MAN1A1: variants seen among roughly 807,000 people sequenced by gnomAD.
MAN1A1 encodes mannosidase alpha class 1A member 1, also known as mannosyl-oligosaccharide 1,2-alpha-mannosidase IA.
In MAN1A1, 29 loss-of-function variants were observed where a neutral mutation model predicts 70.8. That is an observed-to-expected ratio of 0.41 (90% CI 0.31 to 0.56). The LOEUF is 0.56. Among genes scored for constraint, MAN1A1 ranks in the 20% least tolerant of loss-of-function variants. The pLI, the probability that MAN1A1 is intolerant of heterozygous loss-of-function variation, is 0.29. For missense variants in MAN1A1, 747 were observed against 841.3 expected, an observed-to-expected ratio of 0.89 and a Z score of 1.39; for synonymous variants, 349 against 330.1, an observed-to-expected ratio of 1.06 and a Z score of -0.62.
At chr6:119,314,753 G>T (rs1276546427) in intron 2 of MAN1A1, among the ~76,000 whole-genome samples, 1 of 152,098 alleles carries the variant, frequency 6.6e-6, no homozygotes, top group Non-Finnish European at 1.5e-5. Context: ...ATCAGGACTG[G>T]GAGCTGGCTC....
chr6:119,332,481 T>C (rs1773345573), intron 2 of MAN1A1, among the ~76,000 whole-genome samples: 1 of 152,230 alleles, frequency 6.6e-6, no homozygotes, highest in African/African-American at 2.4e-5. Flanking sequence ...TTGCTGTTGT[T>C]ATTCATAAAC....
At chr6:119,261,225 C>T (rs540366979) in intron 5 of MAN1A1, among the ~76,000 whole-genome samples, 39 of 152,138 alleles carry the variant, frequency 2.6e-4, no homozygotes, top group African/African-American at 3.4e-4. Context: ...GTGATCCACC[C>T]GCCTCCACCT....
At chr6:119,349,935 C>G (rs1030821940), upstream of MAN1A1, among the ~76,000 whole-genome samples, 2 of 152,046 alleles carry the variant, frequency 1.3e-5, no homozygotes, top group Non-Finnish European at 2.9e-5. Flanking sequence ...CGGCGGGGCC[C>G]GGCCGGCGGC....
intron 2 of MAN1A1, among the ~76,000 whole-genome samples, chr6:119,346,420 A>C (rs1190451056): frequency 2.0e-5 from 3 of 152,248 alleles, no homozygotes; most frequent in Non-Finnish European, 4.4e-5. Context: ...ACTAAAGCTA[A>C]TTATGCTGGC....
At chr6:119,281,200 C>T (rs751065916) in intron 5 of MAN1A1, among the ~76,000 whole-genome samples, 15 of 152,196 alleles carry the variant, frequency 9.9e-5, no homozygotes, top group Non-Finnish European at 1.9e-4. Context: ...CACTCGTCAC[C>T]CTACTTTGGT....
chr6:119,217,181 A>C (rs1039338826), intron 6 of MAN1A1, among the ~76,000 whole-genome samples: 3 of 152,252 alleles, frequency 2.0e-5, no homozygotes, highest in Non-Finnish European at 4.4e-5. Context: ...AACTTTTAAA[A>C]CTTGGTCAAT....
intron 5 of MAN1A1, among the ~76,000 whole-genome samples, chr6:119,275,429 C>G (rs1776033485): frequency 1.4e-5 from 2 of 145,134 alleles, no homozygotes; most frequent in South Asian, 4.4e-4. Context: ...GCCTCAGCCT[C>G]CCAAGTAGCT....
chr6:119,233,115 T>C (rs1387299393), intron 6 of MAN1A1, among the ~76,000 whole-genome samples: 1 of 152,180 alleles, frequency 6.6e-6, no homozygotes, highest in Non-Finnish European at 1.5e-5. Flanking sequence ...AGCAAAAATT[T>C]TGGATACTAG....
intron 11 of MAN1A1, among the ~76,000 whole-genome samples, chr6:119,186,762 G>A (rs1030910460): frequency 1.3e-5 from 2 of 152,184 alleles, no homozygotes; most frequent in African/African-American, 4.8e-5. Flanking sequence ...TGAAACACAG[G>A]AGGCCACGGG....
chr6:119,214,473 TAAATTGTA>T (rs968216611), intron 6 of MAN1A1, among the ~76,000 whole-genome samples: 10 of 152,226 alleles, frequency 6.6e-5, no homozygotes, highest in African/African-American at 2.4e-4. Flanking sequence ...AATAAGTTTT[TAAATTGTA>T]AAATGCAAAA....
chr6:119,275,332 A>G (rs1351215260), intron 5 of MAN1A1, among the ~76,000 whole-genome samples: 239 of 80,820 alleles, frequency 3.0e-3, no homozygotes, highest in African/African-American at 3.3e-3. Context: ...TTTGAGACGG[A>G]GTCTCGCTCT....
chr6:119,313,845 C>A (rs1328159934), intron 2 of MAN1A1, among the ~76,000 whole-genome samples: 1 of 151,114 alleles, frequency 6.6e-6, no homozygotes, highest in Non-Finnish European at 1.5e-5. Context: ...TTTGAAGGGC[C>A]AGACAGGAAC....
At chr6:119,200,875 G>A (rs1176376567) in intron 8 of MAN1A1, among the ~76,000 whole-genome samples, 1 of 152,150 alleles carries the variant, frequency 6.6e-6, no homozygotes, top group Non-Finnish European at 1.5e-5. Flanking sequence ...GAAACAGAAT[G>A]TTAGGAAGCA....
At position 119,315,802 on chromosome 6, in the gene MAN1A1, G is replaced by A. The variant is rs1772834491; in HGVS notation, c.604-8810C>T. On this transcript the variant is annotated intron_variant, in intron 2 of 12. Transcript: ENST00000368468. ...CATAGAACAGTTTGGCATCAGCTTAGGGTCTACCATTTGTAGTTATTTCCT... is the reference window on the plus strand; with the variant it reads ...CATAGAACAGTTTGGCATCAGCTTAAGGTCTACCATTTGTAGTTATTTCCT... 4.6e-5 allele frequency among the ~76,000 whole-genome samples: 7 copies of A among 152,178 alleles called. No homozygotes were observed. The South Asian group carries it at 1.4e-3, about 31-fold the overall frequency.
intron 6 of MAN1A1, among the ~76,000 whole-genome samples, chr6:119,243,206 CAT>C (rs1775059236): frequency 1.3e-5 from 2 of 152,030 alleles, no homozygotes; most frequent in African/African-American, 4.8e-5. Context: ...ATTTTTGCCT[CAT>C]AGAATACTAG....
intron 11 of MAN1A1, among the ~76,000 whole-genome samples, chr6:119,186,719 G>T (rs987826501): frequency 6.6e-6 from 1 of 152,214 alleles, no homozygotes; most frequent in South Asian, 2.1e-4. Flanking sequence ...AAGTGCTGGA[G>T]GTGGGAGCTG....
intron 6 of MAN1A1, among the ~76,000 whole-genome samples, chr6:119,221,645 G>T (rs969035153): frequency 1.3e-5 from 2 of 151,834 alleles, no homozygotes; most frequent in African/African-American, 4.8e-5. Flanking sequence ...TAGAGACAGG[G>T]TTTCACCATG....
Position 119,348,667 on chromosome 6 carries a change from C to T in MAN1A1, c.399G>A (p.Arg133=), listed in dbSNP as rs1235959103. ...GCTTCTGCAGGGTCTCCTTGGCTTC[C>T]CTGAGAGCCCGCTCGTGGTTTTCGC... The part of the protein sequence containing the change: ...RIRENHERAL[R]EAKETLQKLP... Residue 133 remains arginine (R), a synonymous_variant, in exon 2 of 13, where the codon AGG becomes AGA. Coordinates refer to ENST00000368468, the MANE Select transcript of MAN1A1 (RefSeq NM_005907.4). The T allele has an allele frequency of 1.9e-6, 3 of 1,612,442 alleles. No homozygotes were observed. The highest frequency in any genetic ancestry group is 2.7e-5 in the African/African-American group (2 of 74,828).
intron 2 of MAN1A1, among the ~76,000 whole-genome samples, chr6:119,319,359 AAAT>A (rs199629407): frequency 0.11 from 16,447 of 147,566 alleles, 1,058 homozygotes; most frequent in Non-Finnish European, 0.14. Context: ...AAAATGGTAA[AAAT>A]AATAATAATA....
Sources: gnomAD v4.1 joint callset for allele counts (sites outside exome capture counted in the v4.1 genomes callset) on GRCh38, gnomAD v4.1.1 for gene constraint, MANE v1.5 for transcripts, NCBI Gene and HGNC (gene_info 2026-07-23, HGNC 2026-07-21) for gene names.